The following STX8 variants were observed in gnomAD, a reference collection of about 807,000 sequenced individuals.
STX8 encodes syntaxin 8.
STX8 carries 23 observed loss-of-function variants against 37.5 expected under a neutral mutation model. The observed-to-expected ratio is 0.61, with a 90% CI of 0.44 to 0.87. The LOEUF (loss-of-function observed/expected upper bound fraction) is 0.87, where lower values mean the gene tolerates loss of function less well. STX8 is among the 40% of genes least tolerant of loss of function. The probability of loss-of-function intolerance (pLI) is 0.00; values close to 1 mark genes in which losing one functional copy is unlikely to be tolerated. For missense variants in STX8, 313 were observed against 284.7 expected, an observed-to-expected ratio of 1.10 and a Z score of -0.71; for synonymous variants, 115 against 99.1, an observed-to-expected ratio of 1.16 and a Z score of -0.95.
intron 7 of STX8, among the ~76,000 whole-genome samples, chr17:9,363,168 C>T (rs1911122229): frequency 6.6e-6 from 1 of 152,056 alleles, no homozygotes; most frequent in African/African-American, 2.4e-5. Context: ...CATCCAGTGG[C>T]AAAATACATA....
Position 9,529,044 on chromosome 17 carries a change from G to A in STX8, c.323+16128C>T, listed in dbSNP as rs530094975. ...CTTACAGGGACATGGAGGGAAGAGGGAAACCGTTACAGAAAGAACTGGAGG... is the reference window on the plus strand; with the variant it reads ...CTTACAGGGACATGGAGGGAAGAGGAAAACCGTTACAGAAAGAACTGGAGG... On this transcript the variant is annotated intron_variant, in intron 4 of 7. Transcript: ENST00000306357. Among the ~76,000 whole-genome samples the A allele has an allele frequency of 2.0e-5, 3 of 152,262 alleles. No homozygotes were observed. The East Asian group carries it at 5.8e-4, about 29-fold the overall frequency.
intron 6 of STX8, among the ~76,000 whole-genome samples, chr17:9,388,513 T>C (rs1912094310): frequency 6.6e-6 from 1 of 151,404 alleles, no homozygotes; most frequent in South Asian, 2.1e-4. Flanking sequence ...GACATAAACA[T>C]ATACATTTTT....
At chr17:9,258,982 C>G (rs952453862) in intron 7 of STX8, among the ~76,000 whole-genome samples, 1 of 152,250 alleles carries the variant, frequency 6.6e-6, no homozygotes, top group Non-Finnish European at 1.5e-5. Flanking sequence ...GGCCATTGCT[C>G]TTAAATGACT....
chr17:9,278,716 G>A (rs916033933), intron 7 of STX8, among the ~76,000 whole-genome samples: 13 of 152,204 alleles, frequency 8.5e-5, no homozygotes, highest in African/African-American at 2.9e-4. Context: ...TGGCAGTGAT[G>A]GTGACAGGTT....
At chr17:9,338,915 C>T (rs1567789820) in intron 7 of STX8, among the ~76,000 whole-genome samples, 1 of 151,640 alleles carries the variant, frequency 6.6e-6, no homozygotes, top group Non-Finnish European at 1.5e-5. Flanking sequence ...ACTAAAAATA[C>T]AAAAAATTAG....
intron 6 of STX8, among the ~76,000 whole-genome samples, chr17:9,475,507 C>G (rs534203318): frequency 6.6e-6 from 1 of 152,302 alleles, no homozygotes; most frequent in African/African-American, 2.4e-5. Context: ...CTGCCCACAG[C>G]CCTGCCCTGT....
In STX8 at chr17:9,529,972, C is replaced by T. The variant is rs1329957206; in HGVS notation, c.323+15200G>A. Among the ~76,000 whole-genome samples, 7 of 152,086 alleles carry T rather than the reference C, an allele frequency of 4.6e-5. No homozygotes were observed. In the South Asian group the frequency reaches 6.3e-4, roughly 14 times the overall value. On this transcript the variant is annotated intron_variant, in intron 4 of 7. Transcript: ENST00000306357. ...AGCCACTCTACTCCAGCCTGGGCAA[C>T]GTAGCAAGACCCTGTCTCTAAAAAA...
intron 6 of STX8, among the ~76,000 whole-genome samples, chr17:9,410,731 T>G (rs1912950201): frequency 6.6e-6 from 1 of 152,224 alleles, no homozygotes; most frequent in Non-Finnish European, 1.5e-5. Flanking sequence ...ACAAAAGAAA[T>G]GTAAGCATAT....
chr17:9,251,644 A>G (rs989193843), intron 7 of STX8, among the ~76,000 whole-genome samples: 1 of 152,202 alleles, frequency 6.6e-6, no homozygotes, highest in Non-Finnish European at 1.5e-5. Flanking sequence ...GGACTGCTGA[A>G]CGCCACGGTA....
intron 7 of STX8, among the ~76,000 whole-genome samples, chr17:9,377,023 G>A (rs1911615976): frequency 1.3e-5 from 2 of 152,214 alleles, no homozygotes; most frequent in South Asian, 4.1e-4. Context: ...GTGATAAAGG[G>A]TCTCAAGGAG....
At chr17:9,285,122 T>C (rs1378308935) in intron 7 of STX8, among the ~76,000 whole-genome samples, 1 of 152,094 alleles carries the variant, frequency 6.6e-6, no homozygotes, top group African/African-American at 2.4e-5. Flanking sequence ...GTGTGATTCT[T>C]ATCATCAGGG....
At chr17:9,288,117 AG>A (rs1908150857) in intron 7 of STX8, among the ~76,000 whole-genome samples, 1 of 111,870 alleles carries the variant, frequency 8.9e-6, no homozygotes, top group Non-Finnish European at 2.0e-5. Flanking sequence ...GGGGGAGAAA[AG>A]CAAAACAAAC....
At chr17:9,435,075 C>T (rs753359394) in intron 6 of STX8, among the ~76,000 whole-genome samples, 1 of 152,178 alleles carries the variant, frequency 6.6e-6, no homozygotes, top group African/African-American at 2.4e-5. Context: ...TGGGTTGTGA[C>T]TGGTGCTCAG....
chr17:9,487,995 G>T (rs1402876962), intron 6 of STX8, among the ~76,000 whole-genome samples: 2 of 152,056 alleles, frequency 1.3e-5, no homozygotes, highest in Non-Finnish European at 2.9e-5. Flanking sequence ...CTGATGCTTG[G>T]GCCCCACCCC....
intron 6 of STX8, among the ~76,000 whole-genome samples, chr17:9,416,374 AT>A (rs535117460): frequency 7.2e-4 from 105 of 145,752 alleles, no homozygotes; most frequent in African/African-American, 5.0e-4. Context: ...TTGTAGTTTA[AT>A]TTTTTTTTTT....
chr17:9,279,069 T>TG (rs1712555934), intron 7 of STX8, among the ~76,000 whole-genome samples: 1 of 20,192 alleles, frequency 5.0e-5, no homozygotes, highest in Non-Finnish European at 1.0e-4. Context: ...TTGTTTTTTG[T>TG]TTTTTTTTTT....
intron 7 of STX8, among the ~76,000 whole-genome samples, chr17:9,376,752 C>G (rs1209162513): frequency 6.6e-6 from 1 of 152,194 alleles, no homozygotes; most frequent in African/African-American, 2.4e-5. Context: ...CACATCTGAA[C>G]ATCGGAAGGA....
chr17:9,477,541 C>G (rs984891557), intron 6 of STX8, among the ~76,000 whole-genome samples: 2 of 151,990 alleles, frequency 1.3e-5, no homozygotes, highest in African/African-American at 4.8e-5. Context: ...GTGTTTAAAA[C>G]TATCATTCTC....
At chr17:9,559,739 T>TATATATATATATAC (rs1555537472) in intron 2 of STX8, among the ~76,000 whole-genome samples, 2 of 13,466 alleles carry the variant, frequency 1.5e-4, no homozygotes, top group African/African-American at 2.0e-4. Flanking sequence ...TTATTTTATA[T>TATATATATATATAC]ATATATATAT....
Sources: allele counts gnomAD v4.1 joint callset (sites outside exome capture counted in the v4.1 genomes callset), GRCh38; gene constraint gnomAD v4.1.1; transcripts MANE v1.5; gene names NCBI Gene and HGNC (gene_info 2026-07-23, HGNC 2026-07-21).